The following USP34 variants were observed in gnomAD, a reference collection of about 807,000 sequenced individuals.
The protein encoded by USP34 is ubiquitin specific peptidase 34.
In USP34, 70 loss-of-function variants were observed where a neutral mutation model predicts 460.3. That is an observed-to-expected ratio of 0.15 (90% confidence interval 0.13 to 0.19). The LOEUF (loss-of-function observed/expected upper bound fraction) is 0.19. USP34 is among the 10% of genes least tolerant of loss of function. The pLI is 1.00. For synonymous variants in USP34, 1,647 were observed against 1,405.3 expected (o/e 1.17, Z -3.85); for missense variants, 3,985 against 4,236.2 (o/e 0.94, Z 1.65).
chr2:61,276,290 A>C (rs958847495), intron 41 of USP34, among the ~76,000 whole-genome samples: 22 of 152,184 alleles, frequency 1.4e-4, no homozygotes, highest in African/African-American at 5.3e-4. Flanking sequence ...TCTTGAGTAA[A>C]TAATGGGACA....
chr2:61,259,879 T>C lies in USP34; in HGVS notation c.5779-103A>G, dbSNP rs1177411186. 3 of 989,982 alleles carry C rather than the reference T, an allele frequency of 3.0e-6. No individual in the cohort carries two copies. The African/African-American group carries it at 4.9e-5, about 16-fold the overall frequency. 61.3% of individuals were successfully genotyped at this position (989,982 alleles called of 1,614,324 possible). On this transcript the variant is annotated intron_variant, in intron 43 of 79. Coordinates refer to ENST00000398571, the MANE Select transcript of USP34 (RefSeq NM_014709.4). ...GCAATGTACACTGTATCTGTTTTCATTCTTTTGGCTATATAAAAGAAAAAC... is the reference window on the plus strand; with the variant it reads ...GCAATGTACACTGTATCTGTTTTCACTCTTTTGGCTATATAAAAGAAAAAC...
chr2:61,412,995 A>T (rs974008723), intron 2 of USP34, among the ~76,000 whole-genome samples: 1 of 152,186 alleles, frequency 6.6e-6, no homozygotes, highest in African/African-American at 2.4e-5. Context: ...GGAGGTAAGG[A>T]AATTATGAAA....
chr2:61,366,628 GTAGT>G (rs1692449490), intron 10 of USP34, among the ~76,000 whole-genome samples: 1 of 152,262 alleles, frequency 6.6e-6, no homozygotes, highest in South Asian at 2.1e-4. Flanking sequence ...AAAAGTACGA[GTAGT>G]TATGCCTCCA....
intron 3 of USP34, among the ~76,000 whole-genome samples, chr2:61,403,614 AT>A (rs1693782811): frequency 2.0e-5 from 3 of 152,154 alleles, no homozygotes; most frequent in Admixed American, 2.0e-4. Flanking sequence ...ACAGGCTAAG[AT>A]TTTTAGAAAA....
intron 13 of USP34, 91 bp downstream of exon 13, chr2:61,349,158 AC>A: frequency 2.1e-6 from 3 of 1,430,760 alleles, no homozygotes; most frequent in Non-Finnish European, 2.9e-6. Flanking sequence ...TATGACTGAT[AC>A]AAATATATTA....
chr2:61,238,351 C>T (rs955339627), intron 53 of USP34, among the ~76,000 whole-genome samples: 1 of 152,104 alleles, frequency 6.6e-6, no homozygotes, highest in South Asian at 2.1e-4. Context: ...TTTGCCTGGC[C>T]CGAAGCATTC....
intron 1 of USP34, among the ~76,000 whole-genome samples, chr2:61,439,817 C>T (rs1573043272): frequency 6.6e-6 from 1 of 152,174 alleles, no homozygotes; most frequent in Admixed American, 6.5e-5. Flanking sequence ...CTATGTGGGT[C>T]ACACACAGCT....
At chr2:61,307,974 G>T (rs558007357) in intron 27 of USP34, among the ~76,000 whole-genome samples, 1 of 152,034 alleles carries the variant, frequency 6.6e-6, no homozygotes, top group Admixed American at 6.6e-5. Context: ...ACCTGAGAAC[G>T]GGAGGTTAAG....
chr2:61,241,833 C>A lies in USP34; in HGVS notation c.6628-14G>T. ...ATAGGTCTTGGTCTGTTTAAAAATA[C>A]AAAAGTTTTACTTCTTTGAAAAAAT... On this transcript the variant is annotated splice_polypyrimidine_tract_variant and intron_variant, in intron 51 of 79. Coordinates refer to ENST00000398571, the MANE Select transcript of USP34 (RefSeq NM_014709.4). 1.2e-5 allele frequency: 18 copies of A among 1,459,842 alleles called. No individual in the cohort carries two copies. The highest frequency in any genetic ancestry group is 1.7e-5 in the Non-Finnish European group (18 of 1,084,662). The allele number at this position is 1,459,842 out of a possible 1,614,324, so 90.4% of individuals were successfully genotyped here. A position where few individuals can be genotyped will look rare whatever the true frequency, so the allele number is the denominator to read the frequency against.
rs529671148 is a variant in USP34 at position 61,424,009 on chromosome 2, C to A, written c.44-3176G>T. ...ATAAATGTTCACAAGTTATGTGGAA[C>A]TGGAACCATTGTGTACTCTTGCTGG... On this transcript the variant is annotated intron_variant, in intron 1 of 79. Transcript: ENST00000398571. 1.3e-3 allele frequency among the ~76,000 whole-genome samples: 203 copies of A among 152,316 alleles called. 1 individual carries two copies. The highest frequency in any genetic ancestry group is 4.6e-3 in the African/African-American group (192 of 41,576).
intron 3 of USP34, among the ~76,000 whole-genome samples, chr2:61,400,181 C>T (rs912688618): frequency 1.3e-5 from 2 of 151,048 alleles, no homozygotes; most frequent in Non-Finnish European, 2.9e-5. Flanking sequence ...ACCATCCCGG[C>T]TCATTACAAG....
At chr2:61,389,072 C>A (rs1693261488) in intron 5 of USP34, among the ~76,000 whole-genome samples, 1 of 151,848 alleles carries the variant, frequency 6.6e-6, no homozygotes. Context: ...TGAAAACAGA[C>A]AAAACCAAAT....
rs766364553 is a variant in USP34, at chr2:61,204,413, T to C, written c.9260-33A>G. 6 of 1,613,246 alleles carry C rather than the reference T, an allele frequency of 3.7e-6. No homozygotes were observed. The East Asian group carries it at 6.7e-5, about 18-fold the overall frequency. ...ATTAAAAGTGTACAGTAAGAATAAA[T>C]GGAAAAAATAAATCTCCATGCTTCA... On this transcript the variant is annotated intron_variant, in intron 73 of 79. Coordinates refer to ENST00000398571, the MANE Select transcript of USP34 (RefSeq NM_014709.4).
rs758838573 is a variant in USP34 at position 61,223,068 on chromosome 2, C to A, written c.7741G>T (p.Ala2581Ser). 23 of 1,611,434 alleles carry A rather than the reference C, an allele frequency of 1.4e-5. No homozygotes were observed. In the Admixed American group the frequency reaches 3.0e-4, roughly 21 times the overall value. Residue 2581 changes from alanine to serine, a missense_variant, in exon 64 of 80, where the codon GCA becomes TCA. Physicochemically the swap from Ala to Ser is moderately conservative, Grantham distance 99. This residue lies in a region of USP34 where 604 missense variants were observed against 684.8 expected (regional missense o/e 0.88). Transcript: ENST00000398571. ...FSLCRYNNRL[A>S]EHIVSMLFTS... ...TGTTCCTTAGCACTTACATGTTCTGCAAGTCGATTATTGTATCGACACAGG... is the reference window on the plus strand; with the variant it reads ...TGTTCCTTAGCACTTACATGTTCTGAAAGTCGATTATTGTATCGACACAGG...
intron 7 of USP34, among the ~76,000 whole-genome samples, chr2:61,378,924 A>AAC (rs1024822965): frequency 1.4e-5 from 2 of 148,128 alleles, no homozygotes; most frequent in African/African-American, 4.9e-5. Context: ...AAAAAAAAAA[A>AAC]AAAAAAAAAA....
intron 68 of USP34, among the ~76,000 whole-genome samples, chr2:61,213,750 G>A (rs1423020431): frequency 6.6e-6 from 1 of 152,126 alleles, no homozygotes; most frequent in Non-Finnish European, 1.5e-5. Flanking sequence ...CCTTAAAACT[G>A]TACCATGAAG....
Position 61,288,788 on chromosome 2 carries a change from G to A in USP34, c.4638C>T (p.Val1546=), listed in dbSNP as rs200005238. ...PSDLDLAYHD[V]FAWSGIAESH... The stretch of plus-strand genomic sequence containing the variant: ...TTTCCGCTATACCAGACCAGGCAAA[G>A]ACATCATGATAAGCTAAATCCAAAT... Residue 1546 remains valine (V), a synonymous_variant, in exon 34 of 80, where the codon GTC becomes GTT. Coordinates refer to ENST00000398571, the MANE Select transcript of USP34 (RefSeq NM_014709.4). The A allele has an allele frequency of 3.1e-6, 5 of 1,613,882 alleles. No individual in the cohort carries two copies. Among genetic ancestry groups the A allele is most frequent in the South Asian group, 1.1e-5 (1 of 91,080 alleles).
At chr2:61,210,313 A>G (rs1013042382) in intron 69 of USP34, among the ~76,000 whole-genome samples, 1 of 152,110 alleles carries the variant, frequency 6.6e-6, no homozygotes, top group African/African-American at 2.4e-5. Flanking sequence ...TTTATTCCAT[A>G]TTTTTACTGT....
At chr2:61,449,343 G>A (rs1431862213) in intron 1 of USP34, among the ~76,000 whole-genome samples, 2 of 151,838 alleles carry the variant, frequency 1.3e-5, no homozygotes, top group Non-Finnish European at 2.9e-5. Context: ...CCATGTTCAT[G>A]GATCAGGAGA....
Sources: allele counts gnomAD v4.1 joint callset (sites outside exome capture counted in the v4.1 genomes callset), GRCh38; gene constraint gnomAD v4.1.1; regional missense constraint gnomAD v4.1.1; transcripts MANE v1.5; gene names NCBI Gene and HGNC (gene_info 2026-07-23, HGNC 2026-07-21).